Variants in SGSM1 observed in about 807,000 individuals in gnomAD.
SGSM1 encodes small G protein signaling modulator 1.
In SGSM1, 73 loss-of-function variants were observed where a neutral mutation model predicts 133.8. The observed-to-expected ratio is 0.55, with a 90% confidence interval of 0.45 to 0.66. SGSM1 has a LOEUF of 0.66. Among genes scored for constraint, SGSM1 ranks in the 30% least tolerant of loss-of-function variants. The pLI, the probability that SGSM1 is intolerant of heterozygous loss-of-function variation, is 0.00. For synonymous variants in SGSM1, 563 were observed against 573.0 expected (o/e 0.98, Z 0.25); for missense variants, 1,213 against 1,448.1 (o/e 0.84, Z 2.64).
intron 21 of SGSM1, among the ~76,000 whole-genome samples, chr22:24,909,078 T>G (rs1351296118): frequency 2.6e-5 from 4 of 152,166 alleles, no homozygotes; most frequent in South Asian, 2.1e-4. Context: ...CATAGGAGCG[T>G]GAACCCTATT....
At chr22:24,844,589 G>A in intron 2 of SGSM1, 1 of 289,890 alleles carries the variant, frequency 3.4e-6, no homozygotes, top group Non-Finnish European at 6.4e-6. Flanking sequence ...GGATGGGAGT[G>A]GGGAGGGGTC....
intron 12 of SGSM1, among the ~76,000 whole-genome samples, chr22:24,872,852 G>A (rs558918446): frequency 6.6e-6 from 1 of 152,212 alleles, no homozygotes; most frequent in African/African-American, 2.4e-5. Context: ...CCGGGAAGCG[G>A]AGGTTTTGGT....
intron 21 of SGSM1, among the ~76,000 whole-genome samples, chr22:24,905,906 A>G (rs1016089628): frequency 6.6e-6 from 1 of 152,174 alleles, no homozygotes; most frequent in Non-Finnish European, 1.5e-5. Flanking sequence ...GCCAGACCTC[A>G]TATGAGGACT....
At chr22:24,859,262 G>GC (rs139560553) in intron 8 of SGSM1, among the ~76,000 whole-genome samples, 1,747 of 152,258 alleles carry the variant, frequency 0.011, 35 homozygotes, top group African/African-American at 0.038. Flanking sequence ...GGGAGTGTAG[G>GC]GGGGGTTTTT....
At chr22:24,916,126 G>A (rs555612343) in intron 22 of SGSM1, among the ~76,000 whole-genome samples, 51 of 151,890 alleles carry the variant, frequency 3.4e-4, no homozygotes, top group African/African-American at 1.2e-3. Context: ...GTGGCTTTTC[G>A]TTTATTCACA....
At chr22:24,869,016 A>T (rs139714) in intron 12 of SGSM1, among the ~76,000 whole-genome samples, 161 bp downstream of exon 12, 9,123 of 152,230 alleles carry the variant, frequency 0.06, 368 homozygotes, top group African/African-American at 0.11. Context: ...TTTCCCCCCA[A>T]ATAAGAACAA....
intron 13 of SGSM1, among the ~76,000 whole-genome samples, chr22:24,878,084 T>TA (rs1402809278): frequency 1.1e-4 from 17 of 152,234 alleles, no homozygotes; most frequent in African/African-American, 4.1e-4. Flanking sequence ...GTGCTGGGAT[T>TA]ACAGGCATGA....
intron 2 of SGSM1, among the ~76,000 whole-genome samples, chr22:24,833,774 G>A (rs1033811620): frequency 7.2e-5 from 11 of 152,200 alleles, no homozygotes; most frequent in Admixed American, 1.3e-4. Flanking sequence ...GAAGAGGCAC[G>A]ACAAAGGAAA....
rs143728075 is a variant in SGSM1, at chr22:24,851,433, GGA to G, written c.455+1003_455+1004del. Reference sequence around the variant, plus strand: ...CCAGCCCCCAAGAGGTGGCAGGAAGGGAGGGGGGGGTGGGGGGAGAGAGAGAG... The same window carrying G: ...CCAGCCCCCAAGAGGTGGCAGGAAGGGGGGGGGGTGGGGGGAGAGAGAGAG... On this transcript the variant is annotated intron_variant, in intron 5 of 24. Coordinates refer to ENST00000400358, the MANE Select transcript of SGSM1 (RefSeq NM_001098497.3). Among the ~76,000 whole-genome samples the G allele has an allele frequency of 4.1e-3, 499 of 122,654 alleles. 6 individuals carry two copies. The highest frequency in any genetic ancestry group is 0.016 in the African/African-American group (432 of 27,318). The allele number at this position is 122,654 out of a possible 152,430, so 80.5% of individuals were successfully genotyped here. A position where few individuals can be genotyped will look rare whatever the true frequency, so the allele number is the denominator to read the frequency against.
chr22:24,845,944 T>TC (rs1491165635), intron 3 of SGSM1, among the ~76,000 whole-genome samples: 4 of 29,836 alleles, frequency 1.3e-4, no homozygotes, highest in African/African-American at 2.3e-4. Flanking sequence ...TCTTTTCTTT[T>TC]CTTTCTTTCT....
At chr22:24,881,260 G>A (rs1048516899) in intron 14 of SGSM1, among the ~76,000 whole-genome samples, 1 of 143,036 alleles carries the variant, frequency 7.0e-6, no homozygotes, top group African/African-American at 2.6e-5. Context: ...GGGGAGAATG[G>A]GATGAGTTAA....
In SGSM1 at chr22:24,919,879, C is replaced by T. The variant is rs1263420729; in HGVS notation, c.3079C>T (p.His1027Tyr). The T allele has an allele frequency of 6.2e-7, 1 of 1,614,066 alleles. No homozygotes were observed. Among genetic ancestry groups the T allele is most frequent in the Non-Finnish European group, 8.5e-7 (1 of 1,179,900 alleles). ...LVWETIWAAK[H>Y]VSSAHYVLFI... is the part of the protein sequence containing the mutation. ...CTGGGAGACCATCTGGGCAGCCAAA[C>T]ACGTCTCCTCTGCGCACTACGTCCT... The change falls in exon 24 of 25, where the codon CAC becomes TAC. Residue 1027 changes from histidine to tyrosine, a missense_variant. His to Tyr is a moderately conservative substitution (Grantham distance 83). Coordinates refer to ENST00000400358, the MANE Select transcript of SGSM1 (RefSeq NM_001098497.3).
intron 21 of SGSM1, among the ~76,000 whole-genome samples, chr22:24,911,381 T>C (rs1933615736): frequency 6.8e-6 from 1 of 146,308 alleles, no homozygotes; most frequent in African/African-American, 2.5e-5. Context: ...AATCTCCGCC[T>C]CCCAGGTTCA....
intron 2 of SGSM1, among the ~76,000 whole-genome samples, chr22:24,827,748 A>G (rs1008550620): frequency 7.9e-5 from 12 of 151,932 alleles, no homozygotes; most frequent in African/African-American, 2.7e-4. Context: ...CACCCACCTC[A>G]CTTAACAGAT....
chr22:24,810,875 A>G lies in SGSM1; in HGVS notation c.63+4391A>G, dbSNP rs190108713. 1.1e-4 allele frequency among the ~76,000 whole-genome samples: 16 copies of G among 152,250 alleles called. No individual in the cohort carries two copies. The East Asian group carries it at 1.4e-3, about 13-fold the overall frequency. The stretch of plus-strand genomic sequence containing the variant: ...ATGGGAGAGGCAGGCAGGACTTGCT[A>G]AGAAGGTTGGAGAAAAACGAGAGAA... On this transcript the variant is annotated intron_variant, in intron 2 of 24. Coordinates refer to ENST00000400358, the MANE Select transcript of SGSM1 (RefSeq NM_001098497.3).
At chr22:24,904,917 T>G (rs1933316642) in intron 20 of SGSM1, among the ~76,000 whole-genome samples, 188 bp from the exon 21 acceptor site, 1 of 152,058 alleles carries the variant, frequency 6.6e-6, no homozygotes, top group Non-Finnish European at 1.5e-5. Flanking sequence ...AGTTGGCCTT[T>G]AGGGAGGTCA....
chr22:24,865,974 TGTG>T (rs1198379869), intron 9 of SGSM1, among the ~76,000 whole-genome samples: 1 of 152,142 alleles, frequency 6.6e-6, no homozygotes. Flanking sequence ...TTGGTGCAAA[TGTG>T]GTGATAGATC....
At chr22:24,895,435 G>GT (rs1932893203) in intron 18 of SGSM1, 144 bp downstream of exon 18, 1 of 869,056 alleles carries the variant, frequency 1.2e-6, no homozygotes, top group East Asian at 2.7e-5. Flanking sequence ...ATTGTTTTTT[G>GT]TTTTTTGTTT....
At chr22:24,836,568 C>A (rs1447047812) in intron 2 of SGSM1, among the ~76,000 whole-genome samples, 1 of 152,240 alleles carries the variant, frequency 6.6e-6, no homozygotes, top group Non-Finnish European at 1.5e-5. Context: ...ACCTTCTGAT[C>A]ATTGCACAAG....
Sources: gnomAD v4.1 joint callset for allele counts (sites outside exome capture counted in the v4.1 genomes callset) on GRCh38, gnomAD v4.1.1 for gene constraint, MANE v1.5 for transcripts, NCBI Gene and HGNC (gene_info 2026-07-23, HGNC 2026-07-21) for gene names.